Variants in ARPC5 observed in about 807,000 individuals in gnomAD.
ARPC5 encodes the protein actin-related protein 2/3 complex subunit 5.
A neutral mutation model predicts 15.4 loss-of-function variants in ARPC5; 5 were observed. The observed-to-expected ratio is 0.32, with a 90% CI of 0.17 to 0.68. The LOEUF is 0.68. Ranked by LOEUF, ARPC5 falls within the 30% of genes least tolerant of loss-of-function variation. The pLI, the probability that ARPC5 is intolerant of heterozygous loss-of-function variation, is 0.71. For missense variants in ARPC5, 138 were observed against 192.8 expected, an observed-to-expected ratio of 0.72 and a Z score of 1.68; for synonymous variants, 85 against 72.2, an observed-to-expected ratio of 1.18 and a Z score of -0.90.
chr1:183,628,516 TG>T (rs1157366214), intron 3 of ARPC5, among the ~76,000 whole-genome samples: 2 of 152,188 alleles, frequency 1.3e-5, no homozygotes, highest in Non-Finnish European at 2.9e-5. Flanking sequence ...TGCTAGATGC[TG>T]GGGATACAAA....
rs150869888 is a variant in ARPC5, at chr1:183,625,907, T to C, written c.*1625A>G. 1.3e-5 allele frequency: 2 copies of C among 152,296 alleles called. No homozygotes were observed. The highest frequency in any genetic ancestry group is 3.9e-4 in the East Asian group (2 of 5,182). 9.4% of individuals were successfully genotyped at this position (152,296 alleles called of 1,614,324 possible). On this transcript the variant is annotated 3_prime_UTR_variant, in exon 4 of 4. Transcript: ENST00000359856. ...GAGAATTTTGGAGGCTGGGAGTGAA[T>C]GACTGCAGCTGCTAAGCTACTTTGC...
rs984912722 is a variant in ARPC5, at chr1:183,621,444, A to G, written c.*6088T>C. On this transcript the variant is annotated 3_prime_UTR_variant, in exon 4 of 4. Coordinates refer to ENST00000359856, the MANE Select transcript of ARPC5 (RefSeq NM_005717.4). ...TATTTATATAATAGAATTATTATGCAGTCATAAAAATAAAATTGTTATCGG... is the reference window on the plus strand; with the variant it reads ...TATTTATATAATAGAATTATTATGCGGTCATAAAAATAAAATTGTTATCGG... 6.6e-6 allele frequency: 1 copy of G among 152,280 alleles called. No homozygotes were observed. Among genetic ancestry groups the G allele is most frequent in the Non-Finnish European group, 1.5e-5 (1 of 68,048 alleles). 9.4% of individuals were successfully genotyped at this position (152,280 alleles called of 1,614,324 possible).
Position 183,635,510 on chromosome 1 carries a change from A to G in ARPC5, c.143+7T>C. 6.2e-7 allele frequency: 1 copy of G among 1,608,634 alleles called. No individual in the cohort carries two copies. Among genetic ancestry groups the G allele is most frequent in the Non-Finnish European group, 8.5e-7 (1 of 1,177,942 alleles). ...TGGGGTGGGGAGGGCGGTGAATGCA[A>G]GGATATTGCCGCAGGCAGGAGTCCA... On this transcript the variant is annotated splice_region_variant and intron_variant, in intron 1 of 3. Coordinates refer to ENST00000359856, the MANE Select transcript of ARPC5 (RefSeq NM_005717.4).
intron 1 of ARPC5, chr1:183,633,402 C>T (rs1022481518): frequency 6.7e-6 from 2 of 296,936 alleles, no homozygotes; most frequent in Non-Finnish European, 1.2e-5. Context: ...ATCAAGTGAA[C>T]ACCTTGATAG....
Position 183,623,214 on chromosome 1 carries a change from TGTG to T in ARPC5, c.*4315_*4317del. ...CATACACTACTCAATTTGTGTTTCA[TGTG>T]GTGTGGATTCTAGGGAACTGTTTCA... is the stretch of plus-strand genomic sequence containing the variant. On this transcript the variant is annotated 3_prime_UTR_variant, in exon 4 of 4. Coordinates refer to ENST00000359856, the MANE Select transcript of ARPC5 (RefSeq NM_005717.4). The T allele has an allele frequency of 1.7e-6, 1 of 572,698 alleles. No individual in the cohort carries two copies. The highest frequency in any genetic ancestry group is 2.0e-5 in the South Asian group (1 of 49,442). 35.5% of individuals were successfully genotyped at this position (572,698 alleles called of 1,614,324 possible).
Position 183,635,687 on chromosome 1 carries a change from C to T in ARPC5, c.-28G>A. The T allele has an allele frequency of 6.2e-7, 1 of 1,603,566 alleles. No individual in the cohort carries two copies. The highest frequency in any genetic ancestry group is 8.5e-7 in the Non-Finnish European group (1 of 1,174,356). On this transcript the variant is annotated 5_prime_UTR_variant, in exon 1 of 4. Coordinates refer to ENST00000359856, the MANE Select transcript of ARPC5 (RefSeq NM_005717.4). The stretch of plus-strand genomic sequence containing the variant: ...CAATCCCGACCAGCGGCAAAGGCCT[C>T]TTCTTGGCGCTGCCTCTACCTCAGC...
intron 3 of ARPC5, among the ~76,000 whole-genome samples, chr1:183,630,047 G>C (rs1272447526): frequency 6.6e-6 from 1 of 152,164 alleles, no homozygotes; most frequent in East Asian, 1.9e-4. Context: ...TAATGTTATA[G>C]CATGTGTCAG....
chr1:183,623,962 G>A lies in ARPC5; in HGVS notation c.*3570C>T, dbSNP rs57421480. On this transcript the variant is annotated 3_prime_UTR_variant, in exon 4 of 4. Coordinates refer to ENST00000359856, the MANE Select transcript of ARPC5 (RefSeq NM_005717.4). Reference sequence around the variant, plus strand: ...CGCTTGAGCCTGGGAGGTGGAGGCTGCAGTGAGCCGAGATTGTGCCATTGC... The same window carrying A: ...CGCTTGAGCCTGGGAGGTGGAGGCTACAGTGAGCCGAGATTGTGCCATTGC... The A allele has an allele frequency of 0.072, 12,304 of 171,326 alleles. 930 individuals carry two copies. The highest frequency in any genetic ancestry group is 0.2 in the African/African-American group (8,297 of 41,714). The allele number at this position is 171,326 out of a possible 1,614,324, so 10.6% of individuals were successfully genotyped here.
At chr1:183,627,693 T>A in intron 3 of ARPC5, 99 bp from the exon 4 acceptor site, 1 of 906,022 alleles carries the variant, frequency 1.1e-6, no homozygotes, top group South Asian at 1.3e-5. Context: ...GGCACTGCTA[T>A]AGACCCTGAA....
intron 2 of ARPC5, 56 bp from the exon 3 acceptor site, chr1:183,630,693 G>C (rs1023305202): frequency 9.8e-5 from 147 of 1,507,306 alleles, no homozygotes; most frequent in East Asian, 2.3e-4. Context: ...GGAGGGTTTA[G>C]AATTTCAGAA....
rs563452805 is a variant in ARPC5 at position 183,622,960 on chromosome 1, A to G, written c.*4572T>C. 6.2e-6 allele frequency: 1 copy of G among 160,126 alleles called. No homozygotes were observed. The highest frequency in any genetic ancestry group is 2.4e-5 in the African/African-American group (1 of 41,612). The allele number at this position is 160,126 out of a possible 1,614,324, so 9.9% of individuals were successfully genotyped here. A position where few individuals can be genotyped will look rare whatever the true frequency, so the allele number is the denominator to read the frequency against. On this transcript the variant is annotated 3_prime_UTR_variant, in exon 4 of 4. Coordinates refer to ENST00000359856, the MANE Select transcript of ARPC5 (RefSeq NM_005717.4). ...TACCCTAAGAACCTGTGTATAAATT[A>G]AGGATTTCTTAGGTGACTTGGCTCG...
rs1050297795 is a variant in ARPC5, at chr1:183,627,532, C to T, written c.456G>A (p.Ter152=). ...GGCAGATAATCCACTTCCTGCCAGACTACACAGTTTTTCTTGCAGTCAAGA... is the reference window on the plus strand; with the variant it reads ...GGCAGATAATCCACTTCCTGCCAGATTACACAGTTTTTCTTGCAGTCAAGA... The part of the protein sequence containing the change: ...VRVLTARKTV[*] The change falls in exon 4 of 4, where the codon TAG becomes TAA. Residue 152 remains the stop codon, a stop_retained_variant. Coordinates refer to ENST00000359856, the MANE Select transcript of ARPC5 (RefSeq NM_005717.4). 12 of 1,613,884 alleles carry T rather than the reference C, an allele frequency of 7.4e-6. No individual in the cohort carries two copies. The Admixed American group carries it at 8.3e-5, about 11-fold the overall frequency.
At position 183,624,766 on chromosome 1, in the gene ARPC5, G is replaced by A. The variant is rs947888617; in HGVS notation, c.*2766C>T. The A allele has an allele frequency of 2.0e-5, 3 of 152,120 alleles. No individual in the cohort carries two copies. The highest frequency in any genetic ancestry group is 2.9e-5 in the Non-Finnish European group (2 of 68,026). The allele number at this position is 152,120 out of a possible 1,614,324, so 9.4% of individuals were successfully genotyped here. On this transcript the variant is annotated 3_prime_UTR_variant, in exon 4 of 4. Coordinates refer to ENST00000359856, the MANE Select transcript of ARPC5 (RefSeq NM_005717.4). ...ACAGTCAAATGCTAAATTGTATGAC[G>A]TTAATTCTCTTTTTTTTTGTATGAC...
rs940194140 is a variant in ARPC5 at position 183,621,225 on chromosome 1, A to C, written c.*6307T>G. On this transcript the variant is annotated 3_prime_UTR_variant, in exon 4 of 4. Coordinates refer to ENST00000359856, the MANE Select transcript of ARPC5 (RefSeq NM_005717.4). Reference sequence around the variant, plus strand: ...ATTGATAAAACCTTTAAGAAAGGCAATTTAGCAATATCTCCCTTAAATGCC... The same window carrying C: ...ATTGATAAAACCTTTAAGAAAGGCACTTTAGCAATATCTCCCTTAAATGCC... 4 of 152,228 alleles carry C rather than the reference A, an allele frequency of 2.6e-5. No homozygotes were observed. The highest frequency in any genetic ancestry group is 9.6e-5 in the African/African-American group (4 of 41,466). 9.4% of individuals were successfully genotyped at this position (152,228 alleles called of 1,614,324 possible).
intron 1 of ARPC5, among the ~76,000 whole-genome samples, chr1:183,635,065 G>A (rs1051367826): frequency 2.0e-5 from 3 of 152,070 alleles, no homozygotes; most frequent in Non-Finnish European, 2.9e-5. Flanking sequence ...AACCACTAAG[G>A]AAAGATGCAG....
intron 2 of ARPC5, 79 bp downstream of exon 2, chr1:183,633,003 A>ATT (rs138442122): frequency 0.034 from 37,117 of 1,076,828 alleles, 1,089 homozygotes; most frequent in African/African-American, 0.16. Flanking sequence ...TAAAATATTG[A>ATT]TTTTTTTTTG....
Position 183,623,238 on chromosome 1 carries a change from T to A in ARPC5, c.*4294A>T. 1 of 627,666 alleles carries A rather than the reference T, an allele frequency of 1.6e-6. No homozygotes were observed. Among genetic ancestry groups the A allele is most frequent in the African/African-American group, 1.8e-5 (1 of 54,548 alleles). 38.9% of individuals were successfully genotyped at this position (627,666 alleles called of 1,614,324 possible). A position where few individuals can be genotyped will look rare whatever the true frequency, so the allele number is the denominator to read the frequency against. On this transcript the variant is annotated 3_prime_UTR_variant, in exon 4 of 4. Coordinates refer to ENST00000359856, the MANE Select transcript of ARPC5 (RefSeq NM_005717.4). Reference sequence around the variant, plus strand: ...ATGTGGTGTGGATTCTAGGGAACTGTTTCAGAGAGAAATAAGAGATGTAAA... The same window carrying A: ...ATGTGGTGTGGATTCTAGGGAACTGATTCAGAGAGAAATAAGAGATGTAAA...
rs1191991826 is a variant in ARPC5 at position 183,635,762 on chromosome 1, C to G, written c.-103G>C. ...CCGGCGCCTGATTCACTTCCCTCTT[C>G]CGCTCTGAGGCGTCGCCGACTGCCG... is the stretch of plus-strand genomic sequence containing the variant. On this transcript the variant is annotated 5_prime_UTR_variant, in exon 1 of 4. Coordinates refer to ENST00000359856, the MANE Select transcript of ARPC5 (RefSeq NM_005717.4). 20 of 1,476,788 alleles carry G rather than the reference C, an allele frequency of 1.4e-5. No individual in the cohort carries two copies. The highest frequency in any genetic ancestry group is 1.0e-4 in the Admixed American group (5 of 48,458). 91.5% of individuals were successfully genotyped at this position (1,476,788 alleles called of 1,614,324 possible).
rs376385615 is a variant in ARPC5, at chr1:183,623,750, G to A, written c.*3782C>T. 49 of 490,878 alleles carry A rather than the reference G, an allele frequency of 1.0e-4. 1 individual carries two copies. The highest frequency in any genetic ancestry group is 1.1e-3 in the Middle Eastern group (2 of 1,772). 30.4% of individuals were successfully genotyped at this position (490,878 alleles called of 1,614,324 possible). A position where few individuals can be genotyped will look rare whatever the true frequency, so the allele number is the denominator to read the frequency against. On this transcript the variant is annotated 3_prime_UTR_variant, in exon 4 of 4. Transcript: ENST00000359856. ...TAAAAATTAATCAATCTGGCTGGGC[G>A]CGGTGGTCACGCCTGTAATCCCAGT...
Sources: gnomAD v4.1 joint callset for allele counts (sites outside exome capture counted in the v4.1 genomes callset) on GRCh38, gnomAD v4.1.1 for gene constraint, MANE v1.5 for transcripts, NCBI Gene and HGNC (gene_info 2026-07-23, HGNC 2026-07-21) for gene names.